Variants in NID2 observed in about 807,000 individuals in gnomAD.
NID2 encodes the protein nidogen 2, also known as nidogen-2.
Under a neutral mutation model 145.4 loss-of-function variants are expected in NID2, and 83 were observed. The observed-to-expected ratio is 0.57, with a 90% CI of 0.48 to 0.69. NID2 has a LOEUF of 0.69. Among genes scored for constraint, NID2 ranks in the 30% least tolerant of loss-of-function variants. NID2 has a pLI of 0.00. For synonymous variants in NID2, 739 were observed against 701.3 expected, an observed-to-expected ratio of 1.05 and a Z score of -0.85; for missense variants, 1,807 against 1,765.7, an observed-to-expected ratio of 1.02 and a Z score of -0.42.
intron 9 of NID2, among the ~76,000 whole-genome samples, chr14:52,035,878 A>ATATATATT (rs58318209): frequency 1.0e-4 from 14 of 135,200 alleles, no homozygotes; most frequent in African/African-American, 2.3e-4. Context: ...ATATATATAT[A>ATATATATT]TGTTTTATTT....
chr14:52,014,513 G>A, intron 15 of NID2, 57 bp from the exon 16 acceptor site: 1 of 1,530,342 alleles, frequency 6.5e-7, no homozygotes, highest in Non-Finnish European at 8.9e-7. Flanking sequence ...AGGGAGATGG[G>A]AAGAAAAGTT....
In NID2 at chr14:52,005,354, A is replaced by C. The variant is rs1231981828; in HGVS notation, c.*132T>G. The C allele has an allele frequency of 7.1e-5, 57 of 800,710 alleles. No individual in the cohort carries two copies. Among genetic ancestry groups the C allele is most frequent in the Non-Finnish European group, 1.0e-4 (56 of 546,536 alleles). 49.6% of individuals were successfully genotyped at this position (800,710 alleles called of 1,614,324 possible). On this transcript the variant is annotated 3_prime_UTR_variant, in exon 22 of 22. Coordinates refer to ENST00000216286, the MANE Select transcript of NID2 (RefSeq NM_007361.4). ...TTCACAAAAGTCTTTTTGCACTACA[A>C]AATGTTCATCTTGGATGCTCAGGAA...
rs529255382 is a variant in NID2, at chr14:52,061,187, G to A, written c.535-831C>T. On this transcript the variant is annotated intron_variant, in intron 2 of 21. Coordinates refer to ENST00000216286, the MANE Select transcript of NID2 (RefSeq NM_007361.4). ...CCTTGGATGCTTCTACACTTTGTTC[G>A]TGGTTCCCTGTGCCTAGAAAGCCTC... Among the ~76,000 whole-genome samples, 102 of 152,260 alleles carry A rather than the reference G, an allele frequency of 6.7e-4. 1 individual carries two copies. The highest frequency in any genetic ancestry group is 5.2e-4 in the Admixed American group (8 of 15,298).
At chr14:52,006,212 T>C in intron 20 of NID2, 1 of 393,616 alleles carries the variant, frequency 2.5e-6, no homozygotes, top group Non-Finnish European at 4.7e-6. Context: ...ATATAGCTCA[T>C]GGTATCAAGG....
chr14:52,060,400 C>G, intron 2 of NID2, 44 bp from the exon 3 acceptor site: 3 of 1,043,794 alleles, frequency 2.9e-6, no homozygotes, highest in Non-Finnish European at 3.9e-6. Context: ...GAGAGAGAAA[C>G]ATCCTGTAAA....
At chr14:52,011,972 C>T (rs1891047193) in intron 16 of NID2, 1 of 302,374 alleles carries the variant, frequency 3.3e-6, no homozygotes. Flanking sequence ...ACTATAAGTG[C>T]TTGTAAAGTG....
At position 52,022,403 on chromosome 14, in the gene NID2, G is replaced by T. The variant is rs77709607; in HGVS notation, c.2675-2225C>A. Among the ~76,000 whole-genome samples the T allele has an allele frequency of 4.4e-3, 674 of 152,248 alleles. 28 individuals carry two copies. In the East Asian group the frequency reaches 0.079, roughly 18 times the overall value. ...CGCAGTCCTGACTCCTCCTTGGAGG[G>T]CCTCTCACACCATGATAGAGACTAG... On this transcript the variant is annotated intron_variant, in intron 12 of 21. Coordinates refer to ENST00000216286, the MANE Select transcript of NID2 (RefSeq NM_007361.4).
Position 52,028,801 on chromosome 14 carries a change from T to TA in NID2, c.2450dup (p.Cys818MetfsTer11). ...TGTAGCTTCCAGGCAAGTTGATACA[T>TA]ACAGAGTTGGGGCCACAGCGATGAA... On this transcript the variant is annotated frameshift_variant, in exon 11 of 22. Coordinates refer to ENST00000216286, the MANE Select transcript of NID2 (RefSeq NM_007361.4). LOFTEE classifies it high-confidence loss of function. 6.2e-7 allele frequency: 1 copy of TA among 1,614,126 alleles called. No homozygotes were observed. Among genetic ancestry groups the TA allele is most frequent in the Non-Finnish European group, 8.5e-7 (1 of 1,180,018 alleles).
At chr14:52,035,153 A>C (rs1196157828) in intron 9 of NID2, among the ~76,000 whole-genome samples, 1 of 151,972 alleles carries the variant, frequency 6.6e-6, no homozygotes, top group African/African-American at 2.4e-5. Context: ...AGTAGGGCTC[A>C]CTCTTGGTGT....
chr14:52,006,166 A>AT (rs1457707835), intron 20 of NID2: 1 of 405,634 alleles, frequency 2.5e-6, no homozygotes, highest in Non-Finnish European at 4.6e-6. Context: ...CTCAGACAAT[A>AT]TGTCCACAGT....
intron 9 of NID2, among the ~76,000 whole-genome samples, chr14:52,030,833 A>G (rs1382256999): frequency 6.6e-6 from 1 of 152,230 alleles, no homozygotes; most frequent in African/African-American, 2.4e-5. Flanking sequence ...CCTAGGTGAC[A>G]GAACAGGACC....
At chr14:52,032,438 G>A (rs1041491757) in intron 9 of NID2, among the ~76,000 whole-genome samples, 1 of 152,198 alleles carries the variant, frequency 6.6e-6, no homozygotes, top group Non-Finnish European at 1.5e-5. Flanking sequence ...TTGGCTGACA[G>A]GAAAGAGGCA....
intron 8 of NID2, 149 bp downstream of exon 8, chr14:52,040,502 T>A (rs755203025): frequency 4.5e-6 from 3 of 666,676 alleles, no homozygotes; most frequent in Non-Finnish European, 7.9e-6. Flanking sequence ...TATTTCATGG[T>A]AACAATAAGA....
intron 9 of NID2, among the ~76,000 whole-genome samples, chr14:52,030,546 AAGAAAG>A (rs1891786585): frequency 1.6e-5 from 1 of 62,380 alleles, no homozygotes; most frequent in Non-Finnish European, 3.5e-5. Context: ...GAAAGAAAGA[AAGAAAG>A]AAAGAAAGAA....
At chr14:52,041,394 G>A (rs1286446466) in intron 7 of NID2, among the ~76,000 whole-genome samples, 2 of 152,132 alleles carry the variant, frequency 1.3e-5, no homozygotes, top group Non-Finnish European at 2.9e-5. Context: ...AACAGCTACC[G>A]AGCTCTGCAG....
chr14:52,054,679 A>T (rs1292616668), intron 3 of NID2, among the ~76,000 whole-genome samples: 1 of 152,212 alleles, frequency 6.6e-6, no homozygotes, highest in East Asian at 1.9e-4. Context: ...ACTGCACCCC[A>T]GCCTGTGTGG....
intron 9 of NID2, among the ~76,000 whole-genome samples, chr14:52,032,840 A>G (rs953378009): frequency 6.8e-6 from 1 of 147,688 alleles, no homozygotes; most frequent in Non-Finnish European, 1.5e-5. Flanking sequence ...GTTGACTTGC[A>G]AACTTGGACA....
In NID2 at chr14:52,040,788, G is replaced by A. The variant is rs1474399442; in HGVS notation, c.1889C>T (p.Thr630Ile). ...TGGGTCAAGTCCCTCAGCAGTTTGA[G>A]TGATACGAACCGTCTCCTCTCCCGG... ...FYPGEETVRI[T>I]QTAEGLDPEN... Residue 630 changes from threonine (T) to isoleucine (I), a missense_variant, in exon 8 of 22, where the codon ACT (threonine) becomes ATT (isoleucine). Thr to Ile is a moderately conservative substitution (Grantham distance 89). Transcript: ENST00000216286. 6.2e-7 allele frequency: 1 copy of A among 1,614,158 alleles called. No homozygotes were observed. Among genetic ancestry groups the A allele is most frequent in the East Asian group, 2.2e-5 (1 of 44,884 alleles).
intron 2 of NID2, among the ~76,000 whole-genome samples, chr14:52,061,562 G>T (rs1452005454): frequency 1.3e-5 from 2 of 152,152 alleles, no homozygotes; most frequent in Non-Finnish European, 2.9e-5. Context: ...GAGCCGGGGT[G>T]TGTGTCCAGG....
Sources: gnomAD v4.1 joint callset for allele counts (sites outside exome capture counted in the v4.1 genomes callset) on GRCh38, gnomAD v4.1.1 for gene constraint, MANE v1.5 for transcripts, NCBI Gene and HGNC (gene_info 2026-07-23, HGNC 2026-07-21) for gene names.